Variants in ARL8B observed in about 807,000 individuals in gnomAD.
ARL8B encodes ARF like GTPase 8B.
A neutral mutation model predicts 30.6 loss-of-function variants in ARL8B; 9 were observed. That is an observed-to-expected ratio of 0.29 (90% CI 0.18 to 0.51). The LOEUF (loss-of-function observed/expected upper bound fraction) is 0.51. Ranked by LOEUF, ARL8B falls within the 20% of genes least tolerant of loss-of-function variation. ARL8B has a pLI of 0.97. For missense variants in ARL8B, 130 were observed against 227.2 expected (o/e 0.57, Z 2.75); for synonymous variants, 74 against 76.0 (o/e 0.97, Z 0.14).
chr3:5,165,907 T>C (rs1301313933), intron 1 of ARL8B, among the ~76,000 whole-genome samples: 1 of 152,192 alleles, frequency 6.6e-6, no homozygotes, highest in Non-Finnish European at 1.5e-5. Flanking sequence ...ATGAAGAGGA[T>C]TTCACTGTGT....
chr3:5,129,785 A>G (rs2054265981), intron 1 of ARL8B, among the ~76,000 whole-genome samples: 1 of 152,182 alleles, frequency 6.6e-6, no homozygotes, highest in African/African-American at 2.4e-5. Context: ...AGGGAGGCAG[A>G]GACAGGAGGA....
intron 1 of ARL8B, among the ~76,000 whole-genome samples, chr3:5,165,358 G>A (rs912290524): frequency 2.6e-5 from 4 of 152,128 alleles, no homozygotes; most frequent in African/African-American, 9.7e-5. Context: ...TGAAAAATGA[G>A]TATTGGTAAT....
intron 1 of ARL8B, among the ~76,000 whole-genome samples, chr3:5,140,018 G>A (rs1306052966): frequency 7.8e-6 from 1 of 128,422 alleles, no homozygotes; most frequent in Non-Finnish European, 1.6e-5. Context: ...ACGGAGTCTT[G>A]CTGTGTCGCC....
At chr3:5,159,621 A>AG (rs1559283182) in intron 1 of ARL8B, among the ~76,000 whole-genome samples, 4 of 150,752 alleles carry the variant, frequency 2.7e-5, no homozygotes, top group African/African-American at 9.8e-5. Flanking sequence ...AAAAAAAAAA[A>AG]AAAAGAGAAA....
chr3:5,177,561 A>G (rs1001122310), intron 6 of ARL8B, among the ~76,000 whole-genome samples: 3 of 150,078 alleles, frequency 2.0e-5, no homozygotes, highest in Non-Finnish European at 4.4e-5. Context: ...GGTTCAAGTG[A>G]TCTCCTGCCT....
At position 5,172,194 on chromosome 3, in the gene ARL8B, G is replaced by A. The variant is rs762347837; in HGVS notation, c.249G>A (p.Glu83=). 13 of 1,613,604 alleles carry A rather than the reference G, an allele frequency of 8.1e-6. No individual in the cohort carries two copies. Among genetic ancestry groups the A allele is most frequent in the African/African-American group, 4.0e-5 (3 of 74,928 alleles). ...AACCCCGATTTCGAAGCATGTGGGA[G>A]CGGTATTGCAGAGGAGTCAATGCTA... is the stretch of plus-strand genomic sequence containing the variant. The part of the protein sequence containing the change: ...GGQPRFRSMW[E]RYCRGVNAIV... Residue 83 remains glutamate, a synonymous_variant, in exon 3 of 7, where the codon GAG becomes GAA. Transcript: ENST00000256496.
At chr3:5,176,097 A>G (rs1428274976) in intron 6 of ARL8B, among the ~76,000 whole-genome samples, 3 of 152,220 alleles carry the variant, frequency 2.0e-5, no homozygotes, top group Non-Finnish European at 4.4e-5. Flanking sequence ...AAATGAATGT[A>G]TTGGAACAAA....
chr3:5,143,046 T>A (rs1487451755), intron 1 of ARL8B, among the ~76,000 whole-genome samples: 1 of 152,236 alleles, frequency 6.6e-6, no homozygotes, highest in African/African-American at 2.4e-5. Flanking sequence ...AATGCCATAC[T>A]GTAATCTGTA....
intron 1 of ARL8B, among the ~76,000 whole-genome samples, chr3:5,166,823 T>G (rs536404196): frequency 4.7e-4 from 71 of 152,372 alleles, no homozygotes; most frequent in African/African-American, 1.7e-3. Flanking sequence ...TTGGCACTGA[T>G]AGAACTTTCT....
At chr3:5,170,673 T>G (rs1207703626) in intron 2 of ARL8B, 90 bp downstream of exon 2, 1 of 1,008,636 alleles carries the variant, frequency 9.9e-7, no homozygotes, top group East Asian at 2.7e-5. Context: ...TACTGAAAAT[T>G]TGCAGTTTTT....
At chr3:5,150,657 C>T (rs565067957) in intron 1 of ARL8B, among the ~76,000 whole-genome samples, 2 of 152,102 alleles carry the variant, frequency 1.3e-5, no homozygotes, top group South Asian at 4.2e-4. Context: ...GTGGCACATG[C>T]CTGTAATCCC....
chr3:5,122,558 G>A lies in ARL8B; in HGVS notation c.93G>A (p.Ser31=), dbSNP rs1022230258. ...TGACGCTCGTGGGGCTGCAGTACTC[G>A]GGCAAGACCACCTTCGTCAATGTCA... ...MELTLVGLQY[S]GKTTFVNVIA... Residue 31 remains serine (S), a synonymous_variant, in exon 1 of 7, where the codon TCG becomes TCA. Transcript: ENST00000256496. 6.2e-7 allele frequency: 1 copy of A among 1,609,136 alleles called. No homozygotes were observed. The highest frequency in any genetic ancestry group is 2.2e-5 in the East Asian group (1 of 44,640).
intron 1 of ARL8B, among the ~76,000 whole-genome samples, chr3:5,153,096 C>T (rs1278417782): frequency 2.0e-5 from 3 of 152,132 alleles, no homozygotes; most frequent in Non-Finnish European, 2.9e-5. Flanking sequence ...TACAAGTATG[C>T]ATTTCCCAGT....
chr3:5,134,127 T>C (rs1248229415), intron 1 of ARL8B, among the ~76,000 whole-genome samples: 1 of 152,226 alleles, frequency 6.6e-6, no homozygotes, highest in African/African-American at 2.4e-5. Context: ...CAGGAAGTAG[T>C]TGAGATCCAT....
intron 1 of ARL8B, among the ~76,000 whole-genome samples, chr3:5,170,255 G>C (rs1036482929): frequency 6.6e-6 from 1 of 152,062 alleles, no homozygotes; most frequent in Non-Finnish European, 1.5e-5. Flanking sequence ...TTTAGCATAA[G>C]GAAATATGTA....
At chr3:5,149,583 G>A (rs1040646767) in intron 1 of ARL8B, among the ~76,000 whole-genome samples, 1 of 152,202 alleles carries the variant, frequency 6.6e-6, no homozygotes, top group Non-Finnish European at 1.5e-5. Context: ...TCCCAGATGT[G>A]TAAGTTTTAT....
chr3:5,124,054 A>G (rs945382121), intron 1 of ARL8B, among the ~76,000 whole-genome samples: 2 of 151,962 alleles, frequency 1.3e-5, no homozygotes, highest in African/African-American at 4.8e-5. Context: ...CTTTTAGTAG[A>G]GATGGGTTTT....
chr3:5,141,389 T>A (rs2054372087), intron 1 of ARL8B, among the ~76,000 whole-genome samples: 1 of 152,108 alleles, frequency 6.6e-6, no homozygotes, highest in Non-Finnish European at 1.5e-5. Flanking sequence ...TATAGGAGAG[T>A]GAGTTTATTT....
At chr3:5,144,883 T>G (rs1441430031) in intron 1 of ARL8B, among the ~76,000 whole-genome samples, 1 of 152,218 alleles carries the variant, frequency 6.6e-6, no homozygotes, top group African/African-American at 2.4e-5. Flanking sequence ...GGCCCTGCAC[T>G]GTCCAGATTT....
Sources: allele counts gnomAD v4.1 joint callset (sites outside exome capture counted in the v4.1 genomes callset), GRCh38; gene constraint gnomAD v4.1.1; transcripts MANE v1.5; gene names NCBI Gene and HGNC (gene_info 2026-07-23, HGNC 2026-07-21).